Variants in ACTN4 observed in about 807,000 individuals in gnomAD.
ACTN4 encodes the protein alpha-actinin-4.
ACTN4 carries 18 observed loss-of-function variants against 114.2 expected under a neutral mutation model. The observed-to-expected ratio is 0.16, with a 90% CI of 0.11 to 0.23. ACTN4 has a LOEUF of 0.23. ACTN4 is among the 10% of genes least tolerant of loss of function. The pLI, the probability that ACTN4 is intolerant of heterozygous loss-of-function variation, is 1.00. For synonymous variants in ACTN4, 515 were observed against 506.3 expected (o/e 1.02, Z -0.23); for missense variants, 722 against 1,262.9 (o/e 0.57, Z 6.49).
chr19:38,652,427 TAC>T (rs1976591976), intron 1 of ACTN4, among the ~76,000 whole-genome samples: 1 of 152,134 alleles, frequency 6.6e-6, no homozygotes, highest in Non-Finnish European at 1.5e-5. Flanking sequence ...CAGGGTCACT[TAC>T]ACTCACCTGG....
chr19:38,726,761 G>A (rs1049798962), intron 17 of ACTN4, among the ~76,000 whole-genome samples, 196 bp from the exon 18 acceptor site: 3 of 152,184 alleles, frequency 2.0e-5, no homozygotes, highest in Admixed American at 2.0e-4. Flanking sequence ...CCTGTAGCTG[G>A]GAAACACACT....
intron 9 of ACTN4, among the ~76,000 whole-genome samples, chr19:38,716,700 G>A (rs545629454): frequency 6.6e-6 from 1 of 152,312 alleles, no homozygotes; most frequent in Admixed American, 6.5e-5. Context: ...AGCCAGGCTC[G>A]GAGGTAGGCA....
At chr19:38,701,955 C>A (rs1174059252) in intron 3 of ACTN4, among the ~76,000 whole-genome samples, 1 of 152,230 alleles carries the variant, frequency 6.6e-6, no homozygotes, top group African/African-American at 2.4e-5. Flanking sequence ...GTGCTGAGTT[C>A]CAAGGCTCTG....
intron 1 of ACTN4, among the ~76,000 whole-genome samples, chr19:38,687,840 C>T (rs1205621982): frequency 2.6e-5 from 4 of 152,210 alleles, no homozygotes; most frequent in South Asian, 4.1e-4. Flanking sequence ...AAGGACAACC[C>T]GCAGAATATT....
At position 38,731,427 on chromosome 19, in the gene ACTN4, C is replaced by T. The variant is rs553077547; in HGVS notation, c.*1995C>T. 19 of 605,120 alleles carry T rather than the reference C, an allele frequency of 3.1e-5. No homozygotes were observed. Among genetic ancestry groups the T allele is most frequent in the African/African-American group, 1.8e-4 (10 of 54,574 alleles). The allele number at this position is 605,120 out of a possible 1,614,324, so 37.5% of individuals were successfully genotyped here. A position where few individuals can be genotyped will look rare whatever the true frequency, so the allele number is the denominator to read the frequency against. On this transcript the variant is annotated 3_prime_UTR_variant, in exon 21 of 21. Coordinates refer to ENST00000252699, the MANE Select transcript of ACTN4 (RefSeq NM_004924.6). ...TCCATCAAACGGACTAAGACAGCCCCGACCCCATAGGGTGTGTGAAGACAG... is the reference window on the plus strand; with the variant it reads ...TCCATCAAACGGACTAAGACAGCCCTGACCCCATAGGGTGTGTGAAGACAG...
At chr19:38,653,790 G>T (rs551756674) in intron 1 of ACTN4, among the ~76,000 whole-genome samples, 12 of 152,214 alleles carry the variant, frequency 7.9e-5, no homozygotes, top group African/African-American at 2.4e-4. Context: ...TTTTTTTATG[G>T]AAATAAGAGG....
In ACTN4 at chr19:38,728,022, G is replaced by A. The variant is rs753638235; in HGVS notation, c.2414G>A (p.Arg805Gln). Residue 805 changes from arginine to glutamine, a missense_variant, in exon 19 of 21, where the codon CGG becomes CAG. Arg to Gln is a conservative substitution (Grantham distance 43, BLOSUM62 1). Coordinates refer to ENST00000252699, the MANE Select transcript of ACTN4 (RefSeq NM_004924.6). The stretch of plus-strand genomic sequence containing the variant: ...CTGGGCTACGACGTGGAGAACGACC[G>A]GCAGGTACTGCACCCTGGGCCCCAG... The part of the protein sequence containing the change: ...ISLGYDVEND[R>Q]QGEAEFNRIM... 1.1e-5 allele frequency: 17 copies of A among 1,611,544 alleles called. No homozygotes were observed. The highest frequency in any genetic ancestry group is 5.0e-5 in the Admixed American group (3 of 59,844).
intron 1 of ACTN4, among the ~76,000 whole-genome samples, chr19:38,648,911 AATGGGAGAGAGGTT>A (rs1692320123): frequency 6.6e-6 from 1 of 151,648 alleles, no homozygotes; most frequent in Admixed American, 6.6e-5. Flanking sequence ...AATGGTGGAT[AATGGGAGAGAGGTT>A]CGTTTAGGAA....
rs2046469467 is a variant in ACTN4 at position 38,729,048 on chromosome 19, G to A, written c.2471G>A (p.Gly824Asp). Residue 824 changes from glycine to aspartate, a missense_variant, in exon 20 of 21, where the codon GGC becomes GAC. This residue lies in a region of ACTN4 where 523 missense variants were observed against 875.9 expected (regional missense o/e 0.60). Transcript: ENST00000252699. ...AGCCTGGTCGACCCCAACCATAGCG[G>A]CCTTGTGACCTTCCAAGCCTTCATC... ...IMSLVDPNHS[G>D]LVTFQAFIDF... The A allele has an allele frequency of 6.2e-7, 1 of 1,613,452 alleles. No individual in the cohort carries two copies. Among genetic ancestry groups the A allele is most frequent in the Non-Finnish European group, 8.5e-7 (1 of 1,180,030 alleles).
In ACTN4 at chr19:38,731,584, T is replaced by C. The variant is rs1969619002; in HGVS notation, c.*2152T>C. The C allele has an allele frequency of 3.3e-6, 1 of 306,370 alleles. No homozygotes were observed. Among genetic ancestry groups the C allele is most frequent in the Non-Finnish European group, 6.4e-6 (1 of 156,734 alleles). The allele number at this position is 306,370 out of a possible 1,614,324, so 19.0% of individuals were successfully genotyped here. On this transcript the variant is annotated 3_prime_UTR_variant, in exon 21 of 21. Transcript: ENST00000252699. The stretch of plus-strand genomic sequence containing the variant: ...GCAGCAAAAAATATAGTCAATCCCA[T>C]ATGGAGTCAGTTTCCTTACAGTCTA...
intron 1 of ACTN4, among the ~76,000 whole-genome samples, chr19:38,698,906 G>C (rs1968177990): frequency 6.6e-6 from 1 of 152,220 alleles, no homozygotes; most frequent in Non-Finnish European, 1.5e-5. Context: ...GCTGGCGACA[G>C]TTGTCAAAAC....
chr19:38,725,615 A>C, intron 16 of ACTN4, 109 bp from the exon 17 acceptor site: 19 of 1,276,564 alleles, frequency 1.5e-5, no homozygotes, highest in Non-Finnish European at 1.7e-5. Flanking sequence ...GCCCCAGGCC[A>C]AAGGGGCCCC....
intron 1 of ACTN4, among the ~76,000 whole-genome samples, chr19:38,685,555 C>G (rs1054953276): frequency 1.3e-5 from 2 of 152,180 alleles, no homozygotes; most frequent in African/African-American, 4.8e-5. Flanking sequence ...CTCAATTATG[C>G]GGATAAAGGC....
rs921840017 is a variant in ACTN4, at chr19:38,699,460, A to G, written c.163-1140A>G. On this transcript the variant is annotated intron_variant, in intron 1 of 20. Transcript: ENST00000252699. The stretch of plus-strand genomic sequence containing the variant: ...CTCTAAGCTGCACTGAGTCTTAAAA[A>G]TAGGAAGGATAGGGCTGGGTGTGGT... Among the ~76,000 whole-genome samples the G allele has an allele frequency of 2.0e-5, 3 of 152,218 alleles. 1 individual carries two copies. The highest frequency in any genetic ancestry group is 4.4e-5 in the Non-Finnish European group (3 of 68,028).
intron 1 of ACTN4, among the ~76,000 whole-genome samples, chr19:38,653,944 T>A (rs2144825524): frequency 6.6e-6 from 1 of 152,186 alleles, no homozygotes; most frequent in East Asian, 1.9e-4. Flanking sequence ...ACTGGGTAGT[T>A]TGAGAGCTCA....
At chr19:38,660,127 G>A (rs1976836719) in intron 1 of ACTN4, among the ~76,000 whole-genome samples, 1 of 152,022 alleles carries the variant, frequency 6.6e-6, no homozygotes, top group African/African-American at 2.4e-5. Context: ...TTGCCATGTT[G>A]GCCAGGCTGG....
intron 1 of ACTN4, among the ~76,000 whole-genome samples, chr19:38,683,352 C>G (rs1352045398): frequency 2.0e-5 from 3 of 152,242 alleles, no homozygotes; most frequent in Non-Finnish European, 2.9e-5. Context: ...GCCCCCCGCC[C>G]TCCTCCAGAG....
At chr19:38,705,702 T>A (rs995044214) in intron 4 of ACTN4, among the ~76,000 whole-genome samples, 1 of 152,238 alleles carries the variant, frequency 6.6e-6, no homozygotes, top group African/African-American at 2.4e-5. Flanking sequence ...CTGCAGTGTG[T>A]TCTGGTGGTG....
At chr19:38,706,305 G>GCA (rs1968457469) in intron 5 of ACTN4, among the ~76,000 whole-genome samples, 174 bp downstream of exon 5, 1 of 152,228 alleles carries the variant, frequency 6.6e-6, no homozygotes, top group Non-Finnish European at 1.5e-5. Context: ...TCCTCTCTGA[G>GCA]GAAGAGGAGG....
Sources: allele counts gnomAD v4.1 joint callset (sites outside exome capture counted in the v4.1 genomes callset), GRCh38; gene constraint gnomAD v4.1.1; regional missense constraint gnomAD v4.1.1; transcripts MANE v1.5; gene names NCBI Gene and HGNC (gene_info 2026-07-23, HGNC 2026-07-21).